The following FRMD4B variants were observed in gnomAD, a reference collection of about 807,000 sequenced individuals.
FRMD4B encodes FERM domain-containing protein 4B.
FRMD4B carries 74 observed loss-of-function variants against 141.5 expected under a neutral mutation model. That is an observed-to-expected ratio of 0.52 (90% CI 0.43 to 0.63). FRMD4B has a LOEUF of 0.63. FRMD4B is among the 30% of genes least tolerant of loss of function. The pLI is 0.00. For synonymous variants in FRMD4B, 506 were observed against 467.9 expected (o/e 1.08, Z -1.05); for missense variants, 1,366 against 1,253.4 (o/e 1.09, Z -1.36).
chr3:69,297,071 A>G (rs530622604), intron 4 of FRMD4B, among the ~76,000 whole-genome samples: 11 of 152,268 alleles, frequency 7.2e-5, no homozygotes, highest in Non-Finnish European at 1.6e-4. Flanking sequence ...ATCTTTCTAT[A>G]TCAATAAGTC....
chr3:69,264,645 T>C (rs2093549187), intron 5 of FRMD4B, among the ~76,000 whole-genome samples: 1 of 152,236 alleles, frequency 6.6e-6, no homozygotes, highest in Admixed American at 6.5e-5. Context: ...AAATATCATT[T>C]ACTCTTCTGG....
chr3:69,507,516 C>T (rs537868646), intron 1 of FRMD4B, among the ~76,000 whole-genome samples: 55 of 152,144 alleles, frequency 3.6e-4, no homozygotes, highest in Middle Eastern at 6.8e-3. Context: ...TTTTTTAATA[C>T]CTACATAGTA....
At chr3:69,237,398 G>T (rs1433577111) in intron 7 of FRMD4B, among the ~76,000 whole-genome samples, 1 of 152,252 alleles carries the variant, frequency 6.6e-6, no homozygotes, top group African/African-American at 2.4e-5. Flanking sequence ...TTTACAGAGT[G>T]AAAAGTGAGA....
At chr3:69,328,355 T>A (rs1702252627) in intron 1 of FRMD4B, among the ~76,000 whole-genome samples, 2 of 152,214 alleles carry the variant, frequency 1.3e-5, no homozygotes, top group Non-Finnish European at 2.9e-5. Context: ...GATCAGTAAG[T>A]CAGTCAAGGT....
intron 1 of FRMD4B, among the ~76,000 whole-genome samples, chr3:69,494,979 G>A (rs2107037544): frequency 6.6e-6 from 1 of 151,182 alleles, no homozygotes; most frequent in Admixed American, 6.6e-5. Context: ...AAAGGAAGGA[G>A]AGGGGAAGGA....
intron 1 of FRMD4B, among the ~76,000 whole-genome samples, chr3:69,363,002 AAAAAC>A (rs1274462971): frequency 6.6e-6 from 1 of 151,796 alleles, no homozygotes; most frequent in Non-Finnish European, 1.5e-5. Flanking sequence ...TAAAAAAAAA[AAAAAC>A]AAACAAAAAG....
intron 1 of FRMD4B, among the ~76,000 whole-genome samples, chr3:69,319,381 G>A (rs972143486): frequency 2.6e-5 from 4 of 152,074 alleles, no homozygotes; most frequent in Non-Finnish European, 4.4e-5. Context: ...TGACAGCTAC[G>A]CTTTTCTGTA....
chr3:69,215,878 T>C (rs1438996675), intron 11 of FRMD4B, among the ~76,000 whole-genome samples: 2 of 152,142 alleles, frequency 1.3e-5, no homozygotes, highest in Admixed American at 6.5e-5. Flanking sequence ...TAATGGTGTG[T>C]GCTTGTGGCT....
intron 7 of FRMD4B, among the ~76,000 whole-genome samples, chr3:69,229,516 G>A (rs1284463413): frequency 6.6e-6 from 1 of 152,156 alleles, no homozygotes; most frequent in Admixed American, 6.5e-5. Context: ...ATTTGAAGTG[G>A]TTGAGCTGTG....
chr3:69,244,889 A>T (rs1456931971), intron 7 of FRMD4B, among the ~76,000 whole-genome samples: 1 of 152,192 alleles, frequency 6.6e-6, no homozygotes, highest in African/African-American at 2.4e-5. Context: ...AAATACACAC[A>T]GATGTTCATC....
In FRMD4B at chr3:69,185,817, G is replaced by A. The variant is rs373772719; in HGVS notation, c.1919+1953C>T. ...AGCACTTTGGGAGGCCGAAGTGGGCGGATCACCTGAGGTCAGGAGTTCAAG... is the reference window on the plus strand; with the variant it reads ...AGCACTTTGGGAGGCCGAAGTGGGCAGATCACCTGAGGTCAGGAGTTCAAG... On this transcript the variant is annotated intron_variant, in intron 19 of 22. Transcript: ENST00000398540. Among the ~76,000 whole-genome samples the A allele has an allele frequency of 7.2e-5, 11 of 152,176 alleles. No individual in the cohort carries two copies. In the East Asian group the frequency reaches 9.7e-4, roughly 13 times the overall value.
intron 5 of FRMD4B, among the ~76,000 whole-genome samples, chr3:69,260,476 G>A (rs926919144): frequency 2.0e-5 from 3 of 152,224 alleles, no homozygotes; most frequent in African/African-American, 4.8e-5. Flanking sequence ...CCTGCGTCGC[G>A]CTCGAATTCT....
At chr3:69,419,973 C>T (rs1238604355) in intron 2 of FRMD4B, among the ~76,000 whole-genome samples, 2 of 152,232 alleles carry the variant, frequency 1.3e-5, no homozygotes, top group Non-Finnish European at 2.9e-5. Context: ...TCTCCTGCCT[C>T]AGCCTCCGGA....
intron 1 of FRMD4B, among the ~76,000 whole-genome samples, chr3:69,477,278 G>A (rs1396265223): frequency 6.8e-6 from 1 of 146,168 alleles, no homozygotes; most frequent in East Asian, 2.0e-4. Context: ...TCCCTGTCTT[G>A]TGCCAGTTTT....
intron 11 of FRMD4B, among the ~76,000 whole-genome samples, chr3:69,201,306 A>T (rs1290274961): frequency 2.0e-5 from 3 of 152,216 alleles, no homozygotes; most frequent in African/African-American, 7.2e-5. Flanking sequence ...AGAAACTTGA[A>T]TATCATTAGT....
In FRMD4B at chr3:69,488,568, A is replaced by C. The variant is rs550915222; in HGVS notation, c.-129+53638T>G. Among the ~76,000 whole-genome samples, 4 of 152,260 alleles carry C rather than the reference A, an allele frequency of 2.6e-5. No homozygotes were observed. The South Asian group carries it at 8.3e-4, about 32-fold the overall frequency. On this transcript the variant is annotated intron_variant, in intron 1 of 5. Transcript: ENST00000459638. The stretch of plus-strand genomic sequence containing the variant: ...TAAAATGGGACCCCTACTTCATATC[A>C]TATAGAAAATACAACTAAAGGCATA...
intron 11 of FRMD4B, among the ~76,000 whole-genome samples, chr3:69,209,782 T>C (rs1559719159): frequency 6.6e-6 from 1 of 152,202 alleles, no homozygotes; most frequent in Non-Finnish European, 1.5e-5. Flanking sequence ...TTCCATACCA[T>C]GCTTTATTTG....
intron 5 of FRMD4B, among the ~76,000 whole-genome samples, chr3:69,265,269 A>AATATATATAT (rs1175250592): frequency 4.3e-5 from 1 of 23,430 alleles, no homozygotes; most frequent in African/African-American, 1.7e-4. Flanking sequence ...AAAAAAAAAA[A>AATATATATAT]ATATATATAT....
At chr3:69,523,434 G>A (rs1303489255) in intron 1 of FRMD4B, among the ~76,000 whole-genome samples, 2 of 152,154 alleles carry the variant, frequency 1.3e-5, no homozygotes, top group African/African-American at 4.8e-5. Flanking sequence ...TTGGTGTGGG[G>A]TACCATTTCC....
Sources: allele counts gnomAD v4.1 joint callset (sites outside exome capture counted in the v4.1 genomes callset), GRCh38; gene constraint gnomAD v4.1.1; transcripts MANE v1.5; gene names NCBI Gene and HGNC (gene_info 2026-07-23, HGNC 2026-07-21).